Variants in PTCHD4 observed in about 807,000 individuals in gnomAD.
PTCHD4 encodes patched domain-containing protein 4.
Under a neutral mutation model 58.1 loss-of-function variants are expected in PTCHD4, and 33 were observed. That is an observed-to-expected ratio of 0.57 (90% CI 0.43 to 0.76). PTCHD4 has a LOEUF of 0.76. PTCHD4 is among the 30% of genes least tolerant of loss of function. The pLI is 0.00. For missense variants in PTCHD4, 1,058 were observed against 1,027.1 expected (o/e 1.03, Z -0.41); for synonymous variants, 478 against 409.6 (o/e 1.17, Z -2.02).
chr6:47,917,943 G>T (rs1765311186), intron 4 of PTCHD4, among the ~76,000 whole-genome samples: 2 of 152,148 alleles, frequency 1.3e-5, no homozygotes, highest in Admixed American at 6.5e-5. Context: ...TCAAACTTCA[G>T]TTGCTGAAGC....
intron 4 of PTCHD4, among the ~76,000 whole-genome samples, chr6:47,952,530 C>T (rs568427604): frequency 6.6e-6 from 1 of 152,212 alleles, no homozygotes; most frequent in South Asian, 2.1e-4. Flanking sequence ...TATATACAAT[C>T]ATGTGCTGCA....
intron 4 of PTCHD4, among the ~76,000 whole-genome samples, chr6:47,880,745 G>T (rs865882185): frequency 6.6e-6 from 1 of 152,140 alleles, no homozygotes; most frequent in Non-Finnish European, 1.5e-5. Flanking sequence ...TAGGCAAAAG[G>T]CTTAGTCAAC....
chr6:47,886,998 C>G (rs1338854789), intron 4 of PTCHD4, among the ~76,000 whole-genome samples: 5 of 152,182 alleles, frequency 3.3e-5, no homozygotes, highest in Non-Finnish European at 5.9e-5. Context: ...TCCAGAAACT[C>G]TTCACTGGCC....
intron 4 of PTCHD4, among the ~76,000 whole-genome samples, chr6:47,882,084 C>T (rs1477357236): frequency 3.3e-5 from 5 of 152,106 alleles, no homozygotes; most frequent in African/African-American, 1.2e-4. Flanking sequence ...GAATACAGTA[C>T]TTGCTCTATT....
At chr6:48,046,093 G>A (rs1379579226) in intron 3 of PTCHD4, among the ~76,000 whole-genome samples, 1 of 151,708 alleles carries the variant, frequency 6.6e-6, no homozygotes, top group Non-Finnish European at 1.5e-5. Context: ...AAATACCAGG[G>A]GACAAATGAA....
chr6:48,042,148 A>G (rs1426850092), intron 3 of PTCHD4, among the ~76,000 whole-genome samples: 1 of 152,002 alleles, frequency 6.6e-6, no homozygotes, highest in Non-Finnish European at 1.5e-5. Context: ...TTCTCTTCAC[A>G]TTGATTAACT....
At chr6:47,965,595 A>C (rs965339751) in intron 4 of PTCHD4, among the ~76,000 whole-genome samples, 3 of 152,202 alleles carry the variant, frequency 2.0e-5, no homozygotes, top group African/African-American at 7.2e-5. Context: ...AATAATACTA[A>C]TTTAAATGCA....
chr6:48,068,267 C>T lies in PTCHD4; in HGVS notation c.380G>A (p.Gly127Glu), dbSNP rs761697272. ...CACGGCTCGGTGGGTCTGCAGGATC[C>T]CCTCAGCCTGGAGCAAAATATTGTC... ...TGDNILLQAE[G>E]ILQTHRAVLE... Residue 127 changes from glycine to glutamate, a missense_variant, in exon 3 of 5, where the codon GGG (glycine) becomes GAG (glutamate). Transcript: ENST00000339488. This position sits in a 1 kb window ranked among gnomAD's most constrained non-coding sequence, Gnocchi z 4.2. The T allele has an allele frequency of 1.4e-5, 22 of 1,597,820 alleles. No individual in the cohort carries two copies. Among genetic ancestry groups the T allele is most frequent in the East Asian group, 4.5e-5 (2 of 44,466 alleles).
Position 47,865,028 on chromosome 6 carries a change from A to G in PTCHD4, c.*13275T>C, listed in dbSNP as rs1404064338. On this transcript the variant is annotated 3_prime_UTR_variant, in exon 5 of 5. Coordinates refer to ENST00000339488, the MANE Select transcript of PTCHD4 (RefSeq NM_001384253.1). ...GAACAGTGATCTTGTTTCTAAGCAT[A>G]AATCACCTGAACTGCTAAATTCCCT... 2.6e-5 allele frequency among the ~76,000 whole-genome samples: 4 copies of G among 151,922 alleles called. No homozygotes were observed. Among genetic ancestry groups the G allele is most frequent in the African/African-American group, 9.7e-5 (4 of 41,416 alleles).
chr6:48,029,980 AG>A (rs1763378675), intron 3 of PTCHD4, among the ~76,000 whole-genome samples: 1 of 152,114 alleles, frequency 6.6e-6, no homozygotes, highest in Non-Finnish European at 1.5e-5. Flanking sequence ...AGAACATCTT[AG>A]AGACCTCAAG....
chr6:48,038,654 A>C lies in PTCHD4; in HGVS notation c.418-29540T>G, dbSNP rs549613175. On this transcript the variant is annotated intron_variant, in intron 3 of 4. Coordinates refer to ENST00000339488, the MANE Select transcript of PTCHD4 (RefSeq NM_001384253.1). ...CATTCCAGCCTGGGCGACAAGAGTA[A>C]GTCTGTCTCAAAAAAAAAAAAAAAA... Among the ~76,000 whole-genome samples the C allele has an allele frequency of 4.6e-3, 530 of 115,684 alleles. 2 individuals carry two copies. Among genetic ancestry groups the C allele is most frequent in the African/African-American group, 0.017 (515 of 30,470 alleles). The allele number at this position is 115,684 out of a possible 152,430, so 75.9% of individuals were successfully genotyped here.
rs1423741997 is a variant in PTCHD4, at chr6:47,857,165, CTGTT to C, written c.*21134_*21137del. 5.3e-5 allele frequency among the ~76,000 whole-genome samples: 8 copies of C among 152,080 alleles called. No individual in the cohort carries two copies. Among genetic ancestry groups the C allele is most frequent in the African/African-American group, 1.9e-4 (8 of 41,456 alleles). ...GCTTTACATGTTTTCAGAATAATCA[CTGTT>C]TCTTTCCTTTCAACAGTTTTGTCCC... On this transcript the variant is annotated 3_prime_UTR_variant, in exon 5 of 5. Transcript: ENST00000339488.
intron 4 of PTCHD4, among the ~76,000 whole-genome samples, chr6:47,977,782 T>A (rs1460835352): frequency 6.6e-6 from 1 of 152,324 alleles, no homozygotes; most frequent in Admixed American, 6.5e-5. Flanking sequence ...ATTCCATATC[T>A]TGAAGTTTTT....
Position 48,068,475 on chromosome 6 carries a change from G to A in PTCHD4, c.172C>T (p.Leu58Phe). 6.2e-7 allele frequency: 1 copy of A among 1,613,674 alleles called. No homozygotes were observed. The highest frequency in any genetic ancestry group is 8.5e-7 in the Non-Finnish European group (1 of 1,179,838). ...TCGCCCTCGGGCTGGAAGCGGTTGA[G>A]CGCGCTGAGGCCGAAGGTGATTGTC... is the stretch of plus-strand genomic sequence containing the variant. ...VLTITFGLSA[L>F]NRFQPEGDLE... Residue 58 changes from leucine (L) to phenylalanine (F), a missense_variant, in exon 3 of 5, where the codon CTC becomes TTC. Transcript: ENST00000339488. This position sits in a 1 kb window ranked among gnomAD's most constrained non-coding sequence, Gnocchi z 4.2.
rs182242984 is a variant in PTCHD4, at chr6:48,062,084, C to T, written c.417+6146G>A. 1.1e-4 allele frequency among the ~76,000 whole-genome samples: 16 copies of T among 152,224 alleles called. 1 individual carries two copies. The highest frequency in any genetic ancestry group is 3.9e-4 in the Admixed American group (6 of 15,300). ...AATTAAAAGCAATGTGGTCAAATCA[C>T]GGTGTAATCGCTAGTGGGTTAAAAT... On this transcript the variant is annotated intron_variant, in intron 3 of 4. Coordinates refer to ENST00000339488, the MANE Select transcript of PTCHD4 (RefSeq NM_001384253.1).
Position 48,068,419 on chromosome 6 carries a change from G to C in PTCHD4, c.228C>G (p.Ser76Arg), listed in dbSNP as rs767571587. 6.2e-7 allele frequency: 1 copy of C among 1,613,852 alleles called. No homozygotes were observed. The highest frequency in any genetic ancestry group is 1.3e-5 in the African/African-American group (1 of 74,932). The part of the protein sequence containing the change: ...DLERLVAPSH[S>R]LAKIERSLAS... ...CCAGGCTGCGCTCGATCTTGGCCAG[G>C]CTGTGGCTGGGAGCGACCAGGCGCT... Residue 76 changes from serine (S) to arginine (R), a missense_variant, in exon 3 of 5, where the codon AGC becomes AGG. Transcript: ENST00000339488. The surrounding 1 kb of genome is among the most constrained non-coding windows in gnomAD (Gnocchi z 4.2).
intron 4 of PTCHD4, among the ~76,000 whole-genome samples, chr6:47,937,183 G>T (rs1363184735): frequency 3.9e-5 from 6 of 152,210 alleles, no homozygotes; most frequent in Non-Finnish European, 7.3e-5. Context: ...TCATGGAAAA[G>T]CATGCCATGG....
chr6:47,892,177 G>A (rs993230053), intron 4 of PTCHD4, among the ~76,000 whole-genome samples: 2 of 152,152 alleles, frequency 1.3e-5, no homozygotes, highest in African/African-American at 4.8e-5. Flanking sequence ...GCAGAGAAGA[G>A]CAATGAATGG....
At chr6:47,989,095 G>A (rs979862066) in intron 4 of PTCHD4, among the ~76,000 whole-genome samples, 2 of 152,328 alleles carry the variant, frequency 1.3e-5, no homozygotes, top group East Asian at 1.9e-4. Context: ...GGGAGCTGGA[G>A]CAAAGGTGAC....
Sources: gnomAD v4.1 joint callset for allele counts (sites outside exome capture counted in the v4.1 genomes callset) on GRCh38, gnomAD v4.1.1 for gene constraint, Gnocchi (gnomAD v3.1) non-coding constraint, MANE v1.5 for transcripts, NCBI Gene and HGNC (gene_info 2026-07-23, HGNC 2026-07-21) for gene names.